Variants in LMBR1L observed in about 807,000 individuals in gnomAD.
LMBR1L encodes the protein limb development membrane protein 1 like.
A neutral mutation model predicts 67.3 loss-of-function variants in LMBR1L; 47 were observed. That is an observed-to-expected ratio of 0.70 (90% CI 0.55 to 0.89). The LOEUF is 0.89. Among genes scored for constraint, LMBR1L ranks in the 40% least tolerant of loss-of-function variants. The pLI is 0.00. For missense variants in LMBR1L, 533 were observed against 599.2 expected (o/e 0.89, Z 1.15); for synonymous variants, 247 against 250.3 (o/e 0.99, Z 0.13).
intron 15 of LMBR1L, among the ~76,000 whole-genome samples, chr12:49,099,404 C>A (rs1007788233): frequency 6.6e-6 from 1 of 152,030 alleles, no homozygotes; most frequent in Non-Finnish European, 1.5e-5. Flanking sequence ...TCCACCTTGG[C>A]CTCCCAAAGT....
chr12:49,106,391 G>T, intron 2 of LMBR1L: 1 of 383,836 alleles, frequency 2.6e-6, no homozygotes. Context: ...CCTTGTTGAG[G>T]GGGGACTCAT....
rs1460955270 is a variant in LMBR1L at position 49,110,449 on chromosome 12, AC to A, written c.72+34del. 1.9e-6 allele frequency: 3 copies of A among 1,602,870 alleles called. No homozygotes were observed. The South Asian group carries it at 3.3e-5, about 18-fold the overall frequency. On this transcript the variant is annotated intron_variant, in intron 1 of 16. Coordinates refer to ENST00000267102, the MANE Select transcript of LMBR1L (RefSeq NM_018113.4). Reference sequence around the variant, plus strand: ...GACCCCAACCTCCCCGTCTCCCGCAACCCCCGCTTCTCCTCGCCGGGGCCCC... The same window carrying A: ...GACCCCAACCTCCCCGTCTCCCGCAACCCCGCTTCTCCTCGCCGGGGCCCC...
At chr12:49,100,731 TC>T in intron 13 of LMBR1L, 85 bp from the exon 14 acceptor site, 5 of 1,029,376 alleles carry the variant, frequency 4.9e-6, no homozygotes, top group Middle Eastern at 2.8e-4. Context: ...CCAGCCCACT[TC>T]TTTTTTTTTT....
In LMBR1L at chr12:49,098,048, A is replaced by G; in HGVS notation, c.1298T>C (p.Phe433Ser). ...TGCGTTGTAGAGGAACACAATGTAG[A>G]AATTGCCCAGCCAGTTGAAGCGTCC... is the stretch of plus-strand genomic sequence containing the variant. ...DFGRFNWLGN[F>S]YIVFLYNAAF... Residue 433 changes from phenylalanine to serine, a missense_variant, in exon 16 of 17, where the codon TTC (phenylalanine) becomes TCC (serine). Transcript: ENST00000267102. 6.2e-7 allele frequency: 1 copy of G among 1,614,158 alleles called. No individual in the cohort carries two copies. The highest frequency in any genetic ancestry group is 8.5e-7 in the Non-Finnish European group (1 of 1,180,034).
In LMBR1L at chr12:49,110,318, A is replaced by AG. The variant is rs1592235574; in HGVS notation, c.72+165dup. 3.7e-5 allele frequency: 25 copies of AG among 672,904 alleles called. No homozygotes were observed. In the East Asian group the frequency reaches 6.3e-4, roughly 17 times the overall value. The allele number at this position is 672,904 out of a possible 1,614,324, so 41.7% of individuals were successfully genotyped here. On this transcript the variant is annotated intron_variant, in intron 1 of 16. Coordinates refer to ENST00000267102, the MANE Select transcript of LMBR1L (RefSeq NM_018113.4). ...CTCAGGGACCCAGCTGATCCCATCTAGGGGATCGCTAGCCGGGCACCCGCC... is the reference window on the plus strand; with the variant it reads ...CTCAGGGACCCAGCTGATCCCATCTAGGGGGATCGCTAGCCGGGCACCCGCC...
chr12:49,100,098 C>T (rs1021468600), intron 15 of LMBR1L, among the ~76,000 whole-genome samples: 1 of 152,184 alleles, frequency 6.6e-6, no homozygotes, highest in African/African-American at 2.4e-5. Flanking sequence ...GGAACATTTA[C>T]TAGATTATTC....
intron 13 of LMBR1L, chr12:49,100,890 G>A: frequency 1.8e-6 from 1 of 557,808 alleles, no homozygotes; most frequent in Non-Finnish European, 3.1e-6. Flanking sequence ...ACCACGTCTG[G>A]CTAATTTTTT....
At chr12:49,107,751 T>C (rs987473573) in intron 1 of LMBR1L, among the ~76,000 whole-genome samples, 1 of 152,322 alleles carries the variant, frequency 6.6e-6, no homozygotes, top group South Asian at 2.1e-4. Flanking sequence ...CAGGTTAATC[T>C]GCATATTCAT....
intron 13 of LMBR1L, 57 bp downstream of exon 13, chr12:49,101,193 G>GA (rs1368278913): frequency 1.2e-6 from 2 of 1,613,694 alleles, no homozygotes; most frequent in Non-Finnish European, 1.7e-6. Context: ...GCTCGGTCTA[G>GA]AGTCCCAGGA....
In LMBR1L at chr12:49,101,378, C is replaced by T. The variant is rs989254624; in HGVS notation, c.1009-55G>A. On this transcript the variant is annotated intron_variant, in intron 12 of 16. Transcript: ENST00000267102. ...ATTCCCCACCATCAGCACTACCCGG[C>T]ACCCAGCCTTCCCACTGTCCTCAGC... The T allele has an allele frequency of 3.1e-6, 5 of 1,604,772 alleles. No individual in the cohort carries two copies. In the Admixed American group the frequency reaches 6.7e-5, roughly 21 times the overall value.
chr12:49,106,817 C>G, intron 2 of LMBR1L, 144 bp downstream of exon 2: 1 of 863,794 alleles, frequency 1.2e-6, no homozygotes, highest in South Asian at 1.4e-5. Context: ...CCCTATCTTG[C>G]AGAAAGGGAG....
rs1205761308 is a variant in LMBR1L, at chr12:49,105,869, T to G, written c.191+55A>C. 24 of 1,494,278 alleles carry G rather than the reference T, an allele frequency of 1.6e-5. No individual in the cohort carries two copies. The East Asian group carries it at 5.0e-4, about 31-fold the overall frequency. 92.6% of individuals were successfully genotyped at this position (1,494,278 alleles called of 1,614,324 possible). A position where few individuals can be genotyped will look rare whatever the true frequency, so the allele number is the denominator to read the frequency against. On this transcript the variant is annotated intron_variant, in intron 3 of 16. Coordinates refer to ENST00000267102, the MANE Select transcript of LMBR1L (RefSeq NM_018113.4). ...TTCTCCCTCCAGCTCCAGGCCTCCCTAGATCCCAGTTCCTAAAGACCACTG... is the reference window on the plus strand; with the variant it reads ...TTCTCCCTCCAGCTCCAGGCCTCCCGAGATCCCAGTTCCTAAAGACCACTG...
At chr12:49,098,208 C>CTGA in intron 15 of LMBR1L, 103 bp from the exon 16 acceptor site, 1 of 1,258,712 alleles carries the variant, frequency 7.9e-7, no homozygotes, top group East Asian at 2.3e-5. Context: ...AACACTGCAA[C>CTGA]TGATAGGTTG....
chr12:49,110,145 C>G, intron 1 of LMBR1L: 1 of 537,344 alleles, frequency 1.9e-6, no homozygotes, highest in Non-Finnish European at 3.6e-6. Flanking sequence ...CAAACCCATC[C>G]TTCCCCGATT....
intron 15 of LMBR1L, 61 bp downstream of exon 15, chr12:49,100,327 C>G: frequency 7.7e-7 from 1 of 1,305,880 alleles, no homozygotes; most frequent in Admixed American, 1.7e-5. Flanking sequence ...AAAGTGCCTG[C>G]TTTGCATCAG....
At chr12:49,102,427 G>T in intron 9 of LMBR1L, 41 bp downstream of exon 9, 1 of 1,613,714 alleles carries the variant, frequency 6.2e-7, no homozygotes, top group East Asian at 2.2e-5. Context: ...TTTCTGCCCA[G>T]GCCAAGCCTA....
intron 4 of LMBR1L, 43 bp from the exon 5 acceptor site, chr12:49,104,594 G>T: frequency 6.3e-7 from 1 of 1,577,560 alleles, no homozygotes; most frequent in Non-Finnish European, 8.7e-7. Context: ...GTAAGGGGAG[G>T]GGCAACCCAC....
chr12:49,106,981 T>C lies in LMBR1L; in HGVS notation c.137A>G (p.Lys46Arg). 6.2e-7 allele frequency: 1 copy of C among 1,613,082 alleles called. No homozygotes were observed. The change falls in exon 2 of 17, where the codon AAG (lysine) becomes AGG (arginine). Residue 46 changes from lysine (K) to arginine (R), a missense_variant. This residue lies in a region of LMBR1L where 246 missense variants were observed against 249.0 expected (regional missense o/e 0.99). Coordinates refer to ENST00000267102, the MANE Select transcript of LMBR1L (RefSeq NM_018113.4). ...AGTACCTGTGGTGAACTCAGCAGGC[T>C]TCTTGAAGCGGGTCAGGAAGATGTG... ...LCHIFLTRFK[K>R]PAEFTTVDDE...
Position 49,098,069 on chromosome 12 carries a change from C to T in LMBR1L, c.1277G>A (p.Arg426His), listed in dbSNP as rs367631047. 8.1e-6 allele frequency: 13 copies of T among 1,613,968 alleles called. No homozygotes were observed. The highest frequency in any genetic ancestry group is 2.2e-5 in the South Asian group (2 of 91,088). ...TRFDLLGDFG[R>H]FNWLGNFYIV... ...GTAGAAATTGCCCAGCCAGTTGAAG[C>T]GTCCAAAGTCACCCAGCAGGTCAAA... Residue 426 changes from arginine (R) to histidine (H), a missense_variant, in exon 16 of 17, where the codon CGC (arginine) becomes CAC (histidine). Around this residue, in one of 3 missense-constraint regions of LMBR1L, gnomAD observed 223 missense variants for 241.2 expected, o/e 0.92. Coordinates refer to ENST00000267102, the MANE Select transcript of LMBR1L (RefSeq NM_018113.4).
Sources: allele counts gnomAD v4.1 joint callset (sites outside exome capture counted in the v4.1 genomes callset), GRCh38; gene constraint gnomAD v4.1.1; regional missense constraint gnomAD v4.1.1; transcripts MANE v1.5; gene names NCBI Gene and HGNC (gene_info 2026-07-23, HGNC 2026-07-21).